PCDHGA3: variants seen among roughly 807,000 people sequenced by gnomAD.
PCDHGA3 encodes the protein protocadherin gamma-A3.
PCDHGA3 carries 40 observed loss-of-function variants against 58.5 expected under a neutral mutation model. The ratio of observed to expected loss-of-function variants is 0.68; its 90% CI spans 0.53 to 0.89. The LOEUF (loss-of-function observed/expected upper bound fraction) is 0.89, where lower values mean the gene tolerates loss of function less well. Ranked by LOEUF, PCDHGA3 falls within the 40% of genes least tolerant of loss-of-function variation. The probability of loss-of-function intolerance (pLI) is 0.00; values close to 1 mark genes in which losing one functional copy is unlikely to be tolerated. For missense variants in PCDHGA3, 1,223 were observed against 1,195.9 expected (o/e 1.02, Z -0.33); for synonymous variants, 530 against 525.7 (o/e 1.01, Z -0.11).
At position 141,403,597 on chromosome 5, in the gene PCDHGA3, G is replaced by T. The variant is rs772486529; in HGVS notation, c.2424+57140G>T. On this transcript the variant is annotated intron_variant, in intron 1 of 3. Transcript: ENST00000253812. ...CCCACCACCTGGTCCTCACGGCCTC[G>T]GATGGCGGCGAGCCGCGTCGCTCCA... The T allele has an allele frequency of 1.3e-5, 21 of 1,613,692 alleles. No individual in the cohort carries two copies. The African/African-American group carries it at 2.5e-4, about 19-fold the overall frequency.
intron 1 of PCDHGA3, among the ~76,000 whole-genome samples, chr5:141,425,841 C>T (rs936781561): frequency 2.0e-5 from 3 of 152,190 alleles, no homozygotes; most frequent in African/African-American, 7.2e-5. Context: ...ATTCTCTTTG[C>T]TGGGTTAATG....
chr5:141,362,255 T>A (rs1257652154), intron 1 of PCDHGA3: 2 of 1,614,020 alleles, frequency 1.2e-6, no homozygotes, highest in Admixed American at 3.3e-5. Flanking sequence ...TTCCTCGCGG[T>A]GATTCTGGCA....
rs760205846 is a variant in PCDHGA3, at chr5:141,344,444, A to T, written c.411A>T (p.Glu137Asp). The T allele has an allele frequency of 1.2e-6, 2 of 1,613,728 alleles. No homozygotes were observed. The highest frequency in any genetic ancestry group is 1.7e-6 in the Non-Finnish European group (2 of 1,179,732). Reference sequence around the variant, plus strand: ...ATGCTCCTAATTTCCCAACAGAGGAATTGGAAATAAAAATTGGTGAACTAA... The same window carrying T: ...ATGCTCCTAATTTCCCAACAGAGGATTTGGAAATAAAAATTGGTGAACTAA... Reference protein sequence around the residue: ...NDNAPNFPTEELEIKIGELTV... With the variant: ...NDNAPNFPTEDLEIKIGELTV... The change falls in exon 1 of 4, where the codon GAA (glutamate) becomes GAT (aspartate). Residue 137 changes from glutamate (E) to aspartate (D), a missense_variant. Glu to Asp is a conservative substitution (Grantham distance 45). This residue lies in a region of PCDHGA3 where 791 missense variants were observed against 708.5 expected (regional missense o/e 1.12). Coordinates refer to ENST00000253812, the MANE Select transcript of PCDHGA3 (RefSeq NM_018916.4).
At chr5:141,373,938 A>G (rs553053363) in intron 1 of PCDHGA3, 2 of 705,416 alleles carry the variant, frequency 2.8e-6, no homozygotes, top group Admixed American at 3.6e-5. Context: ...AAAGCAGGAA[A>G]GCTGTGCAGA....
At chr5:141,396,955 C>T (rs1476582665) in intron 1 of PCDHGA3, among the ~76,000 whole-genome samples, 2 of 152,156 alleles carry the variant, frequency 1.3e-5, no homozygotes, top group Non-Finnish European at 2.9e-5. Context: ...AAAGAAAATC[C>T]TTACTCTCCC....
At chr5:141,365,868 T>A (rs778651713) in intron 1 of PCDHGA3, 9 of 1,614,024 alleles carry the variant, frequency 5.6e-6, no homozygotes, top group Non-Finnish European at 6.8e-6. Flanking sequence ...GACACCGGTG[T>A]CCTGTATGCT....
chr5:141,376,859 T>C, intron 1 of PCDHGA3: 1 of 231,414 alleles, frequency 4.3e-6, no homozygotes, highest in South Asian at 6.4e-5. Context: ...GCTAATTTTT[T>C]TGTATTTTTA....
chr5:141,383,077 G>A (rs1415482680), intron 1 of PCDHGA3: 2 of 1,613,774 alleles, frequency 1.2e-6, no homozygotes, highest in African/African-American at 2.7e-5. Flanking sequence ...CCGGGAGCTG[G>A]CGGAGCGCGG....
At chr5:141,448,822 G>A (rs924937891) in intron 1 of PCDHGA3, among the ~76,000 whole-genome samples, 4 of 152,048 alleles carry the variant, frequency 2.6e-5, no homozygotes, top group African/African-American at 9.7e-5. Context: ...GCGGGCGCCT[G>A]TAGTCCCAGC....
At position 141,444,152 on chromosome 5, in the gene PCDHGA3, A is replaced by ATTT. The variant is rs747671382; in HGVS notation, c.2425-50621_2425-50619dup. 1.9e-3 allele frequency among the ~76,000 whole-genome samples: 66 copies of ATTT among 33,898 alleles called. 23 individuals are homozygous for ATTT. Among genetic ancestry groups the ATTT allele is most frequent in the African/African-American group, 4.6e-3 (33 of 7,184 alleles). The allele number at this position is 33,898 out of a possible 152,430, so 22.2% of individuals were successfully genotyped here. A position where few individuals can be genotyped will look rare whatever the true frequency, so the allele number is the denominator to read the frequency against. On this transcript the variant is annotated intron_variant, in intron 1 of 3. Transcript: ENST00000253812. Reference sequence around the variant, plus strand: ...GATATGTGTCACTTGTGTGTACTGGATTTTTTTTTTTTTTTTTTTTTTTTT... The same window carrying ATTT: ...GATATGTGTCACTTGTGTGTACTGGATTTTTTTTTTTTTTTTTTTTTTTTTTTT...
chr5:141,379,418 GA>G (rs1208942827), intron 1 of PCDHGA3: 1 of 152,186 alleles, frequency 6.6e-6, no homozygotes, highest in African/African-American at 2.4e-5. Context: ...TTAGTCTCAT[GA>G]GTTAGATGGG....
At chr5:141,449,349 G>C (rs191322076) in intron 1 of PCDHGA3, among the ~76,000 whole-genome samples, 2 of 152,074 alleles carry the variant, frequency 1.3e-5, no homozygotes, top group African/African-American at 4.8e-5. Flanking sequence ...GCTCACTCCT[G>C]TAATCCCAGC....
At chr5:141,355,307 T>A (rs548636381) in intron 1 of PCDHGA3, 1 of 1,613,842 alleles carries the variant, frequency 6.2e-7, no homozygotes, top group African/African-American at 1.3e-5. Context: ...TACTCGGTGT[T>A]TGAGGAGCAG....
chr5:141,477,212 C>T lies in PCDHGA3; in HGVS notation c.2425-17595C>T, dbSNP rs1488282405. On this transcript the variant is annotated intron_variant, in intron 1 of 3. Coordinates refer to ENST00000253812, the MANE Select transcript of PCDHGA3 (RefSeq NM_018916.4). This position sits in a 1 kb window ranked among gnomAD's most constrained non-coding sequence, Gnocchi z 4.9. ...GTACAGCCCAGTACCCGAGGATGCC[C>T]CTCTGGGGACTGTCATCGCTTTGCT... 11 of 1,614,048 alleles carry T rather than the reference C, an allele frequency of 6.8e-6. No individual in the cohort carries two copies. The highest frequency in any genetic ancestry group is 1.3e-5 in the African/African-American group (1 of 74,918).
chr5:141,503,556 G>A (rs1021346255), intron 2 of PCDHGA3, among the ~76,000 whole-genome samples: 1 of 145,962 alleles, frequency 6.9e-6, no homozygotes, highest in East Asian at 2.0e-4. Context: ...CCGAGATCGC[G>A]CCACTGTACT....
At chr5:141,400,097 A>C (rs753507768) in intron 1 of PCDHGA3, 1 of 1,614,048 alleles carries the variant, frequency 6.2e-7, no homozygotes, top group South Asian at 1.1e-5. Context: ...GCCACGCTGC[A>C]CTTGGTCTTT....
chr5:141,433,299 T>G, intron 1 of PCDHGA3: 1 of 995,012 alleles, frequency 1.0e-6, no homozygotes, highest in Non-Finnish European at 1.5e-6. Flanking sequence ...GCTCAAGCAA[T>G]TATCCCACCT....
chr5:141,437,165 T>A (rs62379162), intron 1 of PCDHGA3, among the ~76,000 whole-genome samples: 3,747 of 152,330 alleles, frequency 0.025, 69 homozygotes, highest in Middle Eastern at 0.085. Context: ...TGTTGATTGT[T>A]TTCTGAGACT....
At chr5:141,415,165 C>T (rs1410806560) in intron 1 of PCDHGA3, 10 of 1,613,746 alleles carry the variant, frequency 6.2e-6, no homozygotes, top group Non-Finnish European at 8.5e-6. Context: ...CACTGTCACG[C>T]TCACCGTGGC....
Sources: gnomAD v4.1 joint callset for allele counts (sites outside exome capture counted in the v4.1 genomes callset) on GRCh38, gnomAD v4.1.1 for gene constraint, gnomAD v4.1.1 regional missense constraint, Gnocchi (gnomAD v3.1) non-coding constraint, MANE v1.5 for transcripts, NCBI Gene and HGNC (gene_info 2026-07-23, HGNC 2026-07-21) for gene names.